The following NUGGC variants were observed in gnomAD, a reference collection of about 807,000 sequenced individuals.
The protein encoded by NUGGC is nuclear GTPase, germinal center associated.
Under a neutral mutation model 92.6 loss-of-function variants are expected in NUGGC, and 58 were observed. The ratio of observed to expected loss-of-function variants is 0.63; its 90% CI spans 0.51 to 0.78. The LOEUF is 0.78. Among genes scored for constraint, NUGGC ranks in the 30% least tolerant of loss-of-function variants. The probability of loss-of-function intolerance (pLI) is 0.00; values close to 1 mark genes in which losing one functional copy is unlikely to be tolerated. For synonymous variants in NUGGC, 376 were observed against 366.4 expected, an observed-to-expected ratio of 1.03 and a Z score of -0.30; for missense variants, 925 against 964.6, an observed-to-expected ratio of 0.96 and a Z score of 0.54.
At chr8:28,077,767 G>T (rs182399792) in intron 1 of NUGGC, among the ~76,000 whole-genome samples, 28 of 152,264 alleles carry the variant, frequency 1.8e-4, no homozygotes, top group Admixed American at 1.8e-3. Context: ...TGGTGTGCTG[G>T]AATTCAAATT....
At chr8:28,063,157 T>C (rs1810349009) in intron 7 of NUGGC, among the ~76,000 whole-genome samples, 1 of 152,100 alleles carries the variant, frequency 6.6e-6, no homozygotes, top group South Asian at 2.1e-4. Context: ...TGTGTCGTTC[T>C]CCCTGCAGAG....
At chr8:28,024,773 C>T (rs1301670889) in intron 18 of NUGGC, among the ~76,000 whole-genome samples, 1 of 152,214 alleles carries the variant, frequency 6.6e-6, no homozygotes, top group Non-Finnish European at 1.5e-5. Context: ...CTTCTCCCCA[C>T]TGCCTCTGAA....
chr8:28,060,631 C>A, intron 7 of NUGGC, 30 bp from the exon 8 acceptor site: 1 of 1,595,512 alleles, frequency 6.3e-7, no homozygotes, highest in Non-Finnish European at 8.5e-7. Context: ...CATGTGTCAG[C>A]ACAGGAATGG....
At chr8:28,074,762 A>T (rs938307968) in intron 1 of NUGGC, among the ~76,000 whole-genome samples, 2 of 152,184 alleles carry the variant, frequency 1.3e-5, no homozygotes, top group African/African-American at 4.8e-5. Context: ...AACATGGTGA[A>T]ATGCCGTCTC....
At chr8:28,035,783 A>G (rs1216333330) in intron 13 of NUGGC, among the ~76,000 whole-genome samples, 1 of 152,224 alleles carries the variant, frequency 6.6e-6, no homozygotes, top group Non-Finnish European at 1.5e-5. Flanking sequence ...CACAGTCACC[A>G]ATGAAACCCT....
At chr8:28,035,129 C>T (rs1006246418) in intron 13 of NUGGC, among the ~76,000 whole-genome samples, 3 of 152,166 alleles carry the variant, frequency 2.0e-5, no homozygotes, top group Non-Finnish European at 4.4e-5. Context: ...GCTTCTTCTG[C>T]TCACAGCAAA....
chr8:28,066,744 G>GA (rs1304446261), intron 6 of NUGGC, among the ~76,000 whole-genome samples: 11 of 152,160 alleles, frequency 7.2e-5, no homozygotes, highest in Admixed American at 6.5e-4. Flanking sequence ...ATAAAAGCAA[G>GA]AATATCATTC....
chr8:28,026,171 G>T (rs1023537425), intron 18 of NUGGC, among the ~76,000 whole-genome samples: 1 of 152,108 alleles, frequency 6.6e-6, no homozygotes. Flanking sequence ...TTTAATTTGA[G>T]CAGTGCTTTA....
At chr8:28,046,824 C>T (rs1250065998) in intron 11 of NUGGC, among the ~76,000 whole-genome samples, 5 of 150,050 alleles carry the variant, frequency 3.3e-5, no homozygotes, top group Non-Finnish European at 4.4e-5. Flanking sequence ...GGCACCACCA[C>T]GTCCGGCTAA....
chr8:28,033,749 T>A (rs1244571230), intron 13 of NUGGC, 52 bp from the exon 14 acceptor site: 7 of 1,517,278 alleles, frequency 4.6e-6, no homozygotes. Context: ...GGAAGGTCAC[T>A]GGATTAGAAT....
Position 28,067,554 on chromosome 8 carries a change from T to C in NUGGC, c.671A>G (p.Lys224Arg). The C allele has an allele frequency of 6.2e-7, 1 of 1,612,782 alleles. No homozygotes were observed. The highest frequency in any genetic ancestry group is 8.5e-7 in the Non-Finnish European group (1 of 1,179,380). The change falls in exon 6 of 19, where the codon AAG becomes AGG. Residue 224 changes from lysine (K) to arginine (R), a missense_variant. Transcript: ENST00000413272. ...EELLRAKPKRKIPTSRVITLK... is the reference protein window; with the variant it reads ...EELLRAKPKRRIPTSRVITLK... Reference sequence around the variant, plus strand: ...GGTGATGACTCTGGAGGTGGGGATCTTCCTTTTGGGCTTCGCCCTCAGTAA... The same window carrying C: ...GGTGATGACTCTGGAGGTGGGGATCCTCCTTTTGGGCTTCGCCCTCAGTAA...
At chr8:28,063,835 G>T (rs1222460830) in intron 7 of NUGGC, among the ~76,000 whole-genome samples, 1 of 152,116 alleles carries the variant, frequency 6.6e-6, no homozygotes, top group East Asian at 1.9e-4. Context: ...CACTGATGCT[G>T]GTCCCCCTCT....
rs894298125 is a variant in NUGGC, at chr8:28,056,171, T to C, written c.1117-117A>G. On this transcript the variant is annotated intron_variant, in intron 9 of 18. Coordinates refer to ENST00000413272, the MANE Select transcript of NUGGC (RefSeq NM_001010906.2). ...TTTGGTCCAAACAGTCAAATATGCA[T>C]GCACTGTATTAGAATTATACACAGT... 4.3e-5 allele frequency: 27 copies of C among 632,560 alleles called. No homozygotes were observed. The African/African-American group carries it at 4.4e-4, about 10-fold the overall frequency. 39.2% of individuals were successfully genotyped at this position (632,560 alleles called of 1,614,324 possible). A position where few individuals can be genotyped will look rare whatever the true frequency, so the allele number is the denominator to read the frequency against.
Position 28,055,979 on chromosome 8 carries a change from T to A in NUGGC, c.1192A>T (p.Lys398Ter). 1 of 1,538,804 alleles carries A rather than the reference T, an allele frequency of 6.5e-7. No individual in the cohort carries two copies. Among genetic ancestry groups the A allele is most frequent in the Non-Finnish European group, 8.8e-7 (1 of 1,130,802 alleles). The change falls in exon 10 of 19, where the codon AAG becomes TAG. Residue 398 changes from lysine (K) to a stop codon, truncating the protein, a stop_gained. Coordinates refer to ENST00000413272, the MANE Select transcript of NUGGC (RefSeq NM_001010906.2). LOFTEE classifies it high-confidence loss of function. ...MIKLQRTRILKEKLKRKLPAD... is the reference protein window; with the variant it reads ...MIKLQRTRIL ...TATTAACTCACCTTCAGTTTTTCCTTGAGAATTCTAGTCCTTTGTAGTTTT... is the reference window on the plus strand; with the variant it reads ...TATTAACTCACCTTCAGTTTTTCCTAGAGAATTCTAGTCCTTTGTAGTTTT...
chr8:28,040,532 T>C (rs1809666454), intron 13 of NUGGC, among the ~76,000 whole-genome samples: 1 of 152,212 alleles, frequency 6.6e-6, no homozygotes, highest in South Asian at 2.1e-4. Flanking sequence ...CCACTCTGTC[T>C]TTGCTGAACT....
At chr8:28,082,936 A>T (rs1336400049) in intron 1 of NUGGC, among the ~76,000 whole-genome samples, 2 of 152,218 alleles carry the variant, frequency 1.3e-5, no homozygotes, top group Non-Finnish European at 2.9e-5. Flanking sequence ...AATTCACTTA[A>T]GCAAACAGAA....
chr8:28,041,240 T>C (rs755588678), intron 12 of NUGGC, 25 bp from the exon 13 acceptor site: 6 of 1,595,298 alleles, frequency 3.8e-6, no homozygotes, highest in Admixed American at 3.4e-5. Flanking sequence ...CATAAAAGAA[T>C]CAGGCCACCC....
At chr8:28,042,664 C>T (rs17408141) in intron 12 of NUGGC, among the ~76,000 whole-genome samples, 4 of 152,192 alleles carry the variant, frequency 2.6e-5, no homozygotes, top group Non-Finnish European at 5.9e-5. Flanking sequence ...CCTGTGTCTT[C>T]TTCCCTGGAT....
At chr8:28,039,758 C>CG (rs1241729164) in intron 13 of NUGGC, among the ~76,000 whole-genome samples, 2 of 152,154 alleles carry the variant, frequency 1.3e-5, no homozygotes, top group Admixed American at 1.3e-4. Context: ...TCTCCCAGCA[C>CG]GGGGGGACAC....
Sources: allele counts gnomAD v4.1 joint callset (sites outside exome capture counted in the v4.1 genomes callset), GRCh38; gene constraint gnomAD v4.1.1; transcripts MANE v1.5; gene names NCBI Gene and HGNC (gene_info 2026-07-23, HGNC 2026-07-21).